The following CADM2 variants were observed in gnomAD, a reference collection of about 807,000 sequenced individuals.
The protein encoded by CADM2 is immunoglobulin superfamily member 4D.
A neutral mutation model predicts 49.8 loss-of-function variants in CADM2; 12 were observed. The observed-to-expected ratio is 0.24, with a 90% CI of 0.15 to 0.39. The LOEUF (loss-of-function observed/expected upper bound fraction) is 0.39. Ranked by LOEUF, CADM2 falls within the 10% of genes least tolerant of loss-of-function variation. The pLI is 1.00. For missense variants in CADM2, 378 were observed against 492.3 expected (o/e 0.77, Z 2.20); for synonymous variants, 214 against 175.4 (o/e 1.22, Z -1.74).
At chr3:85,431,042 G>T (rs1406985860) in intron 1 of CADM2, among the ~76,000 whole-genome samples, 1 of 152,010 alleles carries the variant, frequency 6.6e-6, no homozygotes, top group Non-Finnish European at 1.5e-5. Context: ...TACAACAGTG[G>T]TCTCATAAGA....
At chr3:85,127,227 T>C (rs1484182531) in intron 1 of CADM2, among the ~76,000 whole-genome samples, 1 of 152,190 alleles carries the variant, frequency 6.6e-6, no homozygotes, top group African/African-American at 2.4e-5. Context: ...TACCAAAATA[T>C]ATTTATATGT....
At chr3:85,300,592 C>T (rs918512832) in intron 1 of CADM2, among the ~76,000 whole-genome samples, 3 of 152,020 alleles carry the variant, frequency 2.0e-5, no homozygotes, top group South Asian at 2.1e-4. Context: ...TAATCAGTGT[C>T]GGGGAATGAT....
At chr3:85,323,657 C>G (rs982816934) in intron 1 of CADM2, among the ~76,000 whole-genome samples, 1 of 152,178 alleles carries the variant, frequency 6.6e-6, no homozygotes, top group African/African-American at 2.4e-5. Context: ...GGATCCCATA[C>G]TCACCACCAG....
intron 2 of CADM2, among the ~76,000 whole-genome samples, chr3:85,745,385 T>G (rs1002352115): frequency 1.3e-5 from 2 of 152,134 alleles, no homozygotes; most frequent in African/African-American, 4.8e-5. Flanking sequence ...ACCATAAGTG[T>G]TGTTGAACTT....
At chr3:85,304,892 A>G (rs1183248339) in intron 1 of CADM2, among the ~76,000 whole-genome samples, 1 of 151,718 alleles carries the variant, frequency 6.6e-6, no homozygotes, top group Non-Finnish European at 1.5e-5. Flanking sequence ...CTCTATTTCC[A>G]TAGTAAAACA....
Position 85,134,778 on chromosome 3 carries a change from A to G in CADM2, c.61+175110A>G, listed in dbSNP as rs571537956. Among the ~76,000 whole-genome samples the G allele has an allele frequency of 2.6e-5, 4 of 152,184 alleles. No homozygotes were observed. In the South Asian group the frequency reaches 8.3e-4, roughly 31 times the overall value. On this transcript the variant is annotated intron_variant, in intron 1 of 9. Coordinates refer to ENST00000383699, the MANE Select transcript of CADM2 (RefSeq NM_001167675.2). Reference sequence around the variant, plus strand: ...TAAATATAAGAGATTTGCTATATATAATTGTGCAAATTTTTTAAAAATTTT... The same window carrying G: ...TAAATATAAGAGATTTGCTATATATGATTGTGCAAATTTTTTAAAAATTTT...
At chr3:85,508,471 A>G (rs570456262) in intron 1 of CADM2, among the ~76,000 whole-genome samples, 12 of 152,284 alleles carry the variant, frequency 7.9e-5, no homozygotes, top group African/African-American at 2.6e-4. Flanking sequence ...AAAGGCAAAC[A>G]CTTTTTCTAC....
intron 1 of CADM2, among the ~76,000 whole-genome samples, chr3:85,150,691 T>A (rs2039893081): frequency 6.6e-6 from 1 of 151,020 alleles, no homozygotes; most frequent in Non-Finnish European, 1.5e-5. Flanking sequence ...GATCACAAGG[T>A]CAGGAGTTCA....
intron 1 of CADM2, among the ~76,000 whole-genome samples, chr3:85,364,585 C>T (rs182261074): frequency 1.9e-3 from 290 of 152,218 alleles, no homozygotes; most frequent in African/African-American, 6.8e-3. Context: ...GCACATCATA[C>T]CTCAAAATTA....
At chr3:85,056,422 A>G (rs895894808) in intron 1 of CADM2, among the ~76,000 whole-genome samples, 2 of 152,096 alleles carry the variant, frequency 1.3e-5, no homozygotes, top group African/African-American at 2.4e-5. Context: ...AATGTTTTCA[A>G]TTATAACATT....
At chr3:85,570,798 T>G (rs978133555) in intron 1 of CADM2, among the ~76,000 whole-genome samples, 3 of 152,024 alleles carry the variant, frequency 2.0e-5, no homozygotes, top group Admixed American at 2.0e-4. Flanking sequence ...TTTGGGAGAG[T>G]AAATGATTAC....
chr3:85,978,416 C>T (rs1727055688), intron 8 of CADM2, among the ~76,000 whole-genome samples: 1 of 151,692 alleles, frequency 6.6e-6, no homozygotes, highest in Non-Finnish European at 1.5e-5. Context: ...TGTTCAGTAA[C>T]CCCTCCTAGG....
chr3:85,164,217 G>T (rs1159010582), intron 1 of CADM2, among the ~76,000 whole-genome samples: 4 of 152,016 alleles, frequency 2.6e-5, no homozygotes, highest in Non-Finnish European at 5.9e-5. Flanking sequence ...ATGTGAAGGT[G>T]AGCTGGGTTA....
chr3:85,235,645 C>T (rs1243565646), intron 1 of CADM2, among the ~76,000 whole-genome samples: 1 of 152,132 alleles, frequency 6.6e-6, no homozygotes, highest in South Asian at 2.1e-4. Context: ...CAAACTTTGT[C>T]TTAAAACTTT....
chr3:85,883,381 A>G lies in CADM2; in HGVS notation c.329A>G (p.Gln110Arg). 3 of 1,613,942 alleles carry G rather than the reference A, an allele frequency of 1.9e-6. No individual in the cohort carries two copies. The highest frequency in any genetic ancestry group is 2.5e-6 in the Non-Finnish European group (3 of 1,179,890). The part of the protein sequence containing the change: ...VSDVSLSDEG[Q>R]YTCSLFTMPV... ...GATGTGTCTCTCTCTGATGAAGGAC[A>G]GTACACCTGTTCTTTATTTACAATG... The change falls in exon 4 of 10, where the codon CAG (glutamine) becomes CGG (arginine). Residue 110 changes from glutamine (Q) to arginine (R), a missense_variant. Transcript: ENST00000383699.
At chr3:85,104,634 G>C (rs143305369) in intron 1 of CADM2, among the ~76,000 whole-genome samples, 1 of 152,140 alleles carries the variant, frequency 6.6e-6, no homozygotes, top group Non-Finnish European at 1.5e-5. Flanking sequence ...GATAGGAATG[G>C]CATTGAATCT....
intron 1 of CADM2, among the ~76,000 whole-genome samples, chr3:85,045,144 G>A (rs925867622): frequency 5.9e-5 from 9 of 152,048 alleles, no homozygotes; most frequent in African/African-American, 2.2e-4. Flanking sequence ...CTGATACCTA[G>A]GTTTGCTTTA....
intron 1 of CADM2, among the ~76,000 whole-genome samples, chr3:85,527,869 A>C (rs1167065050): frequency 6.6e-6 from 1 of 152,166 alleles, no homozygotes; most frequent in Non-Finnish European, 1.5e-5. Context: ...TTTTTTCTCC[A>C]AAGAGTAGTA....
chr3:85,699,714 G>A (rs1178062582), intron 1 of CADM2, among the ~76,000 whole-genome samples: 1 of 152,280 alleles, frequency 6.6e-6, no homozygotes, highest in East Asian at 1.9e-4. Flanking sequence ...TTCCCCCCTA[G>A]GCCTCCAGGC....
Sources: gnomAD v4.1 joint callset for allele counts (sites outside exome capture counted in the v4.1 genomes callset) on GRCh38, gnomAD v4.1.1 for gene constraint, MANE v1.5 for transcripts, NCBI Gene and HGNC (gene_info 2026-07-23, HGNC 2026-07-21) for gene names.